The following TOX3 variants were observed in gnomAD, a reference collection of about 807,000 sequenced individuals.
The protein encoded by TOX3 is CAG trinucleotide repeat-containing gene F9 protein.
Under a neutral mutation model 64.3 loss-of-function variants are expected in TOX3, and 22 were observed. The observed-to-expected ratio is 0.34, with a 90% CI of 0.24 to 0.49. The LOEUF is 0.49. TOX3 is among the 20% of genes least tolerant of loss of function. TOX3 has a pLI of 0.99. For missense variants in TOX3, 661 were observed against 714.4 expected, an observed-to-expected ratio of 0.93 and a Z score of 0.85; for synonymous variants, 291 against 273.6, an observed-to-expected ratio of 1.06 and a Z score of -0.63.
chr16:52,499,199 A>T (rs1961937593), intron 1 of TOX3, among the ~76,000 whole-genome samples: 1 of 152,246 alleles, frequency 6.6e-6, no homozygotes, highest in Non-Finnish European at 1.5e-5. Flanking sequence ...GAAAAATTAG[A>T]AAGCCAGTAA....
rs1303184485 is a variant in TOX3, at chr16:52,437,337, C to A, written c.*1888G>T. On this transcript the variant is annotated 3_prime_UTR_variant, in exon 7 of 7. Coordinates refer to ENST00000219746, the MANE Select transcript of TOX3 (RefSeq NM_001080430.4). ...GTAAATAATCTCTGAAATACAACAA[C>A]TTTGAGGGATCCATATTCCATTATT... 1 of 152,166 alleles carries A rather than the reference C, an allele frequency of 6.6e-6. No homozygotes were observed. Among genetic ancestry groups the A allele is most frequent in the Non-Finnish European group, 1.5e-5 (1 of 68,046 alleles). The allele number at this position is 152,166 out of a possible 1,614,324, so 9.4% of individuals were successfully genotyped here.
rs574645699 is a variant in TOX3, at chr16:52,537,355, T to C, written c.87+9282A>G. Reference sequence around the variant, plus strand: ...ATCCATAGAATATCCAGGTGACCTATAGGTTTCTTGAAGGCAGACCACATC... The same window carrying C: ...ATCCATAGAATATCCAGGTGACCTACAGGTTTCTTGAAGGCAGACCACATC... On this transcript the variant is annotated intron_variant, in intron 1 of 6. Coordinates refer to ENST00000219746, the MANE Select transcript of TOX3 (RefSeq NM_001080430.4). Among the ~76,000 whole-genome samples the C allele has an allele frequency of 2.0e-5, 3 of 152,242 alleles. No homozygotes were observed. In the East Asian group the frequency reaches 5.8e-4, roughly 29 times the overall value.
In TOX3 at chr16:52,465,261, A is replaced by G. The variant is rs1960826003; in HGVS notation, c.154-1073T>C. On this transcript the variant is annotated intron_variant, in intron 2 of 6. Coordinates refer to ENST00000219746, the MANE Select transcript of TOX3 (RefSeq NM_001080430.4). The stretch of plus-strand genomic sequence containing the variant: ...GATCTCCTGACCTTGTGATCCACCC[A>G]CCTCGGCCTCCCAAAGTGCTGGGAT... 2.7e-5 allele frequency among the ~76,000 whole-genome samples: 4 copies of G among 150,924 alleles called. No individual in the cohort carries two copies. In the South Asian group the frequency reaches 8.3e-4, roughly 31 times the overall value.
At chr16:52,522,023 A>T (rs1490537128) in intron 1 of TOX3, among the ~76,000 whole-genome samples, 1 of 152,248 alleles carries the variant, frequency 6.6e-6, no homozygotes, top group Non-Finnish European at 1.5e-5. Flanking sequence ...TAACTGGGAC[A>T]TTAATAGTAC....
chr16:52,516,890 T>C (rs533812678), intron 1 of TOX3, among the ~76,000 whole-genome samples: 3 of 152,156 alleles, frequency 2.0e-5, no homozygotes, highest in Non-Finnish European at 4.4e-5. Context: ...TTGGCAGATT[T>C]TATTGTATGT....
intron 1 of TOX3, among the ~76,000 whole-genome samples, chr16:52,489,331 T>C (rs1961612796): frequency 6.6e-6 from 1 of 152,166 alleles, no homozygotes; most frequent in Non-Finnish European, 1.5e-5. Context: ...CATCTCCACA[T>C]TGTGATCTGT....
intron 1 of TOX3, among the ~76,000 whole-genome samples, chr16:52,530,823 G>A (rs984434226): frequency 3.3e-5 from 5 of 151,902 alleles, no homozygotes; most frequent in South Asian, 2.1e-4. Context: ...ACTTGACTAC[G>A]TTTTCCTTTA....
chr16:52,466,586 T>C (rs747988251), intron 2 of TOX3, among the ~76,000 whole-genome samples: 7 of 152,198 alleles, frequency 4.6e-5, no homozygotes, highest in Non-Finnish European at 7.4e-5. Context: ...AATCATTACA[T>C]AAGATTACTT....
chr16:52,455,805 G>A (rs551227075), intron 3 of TOX3, among the ~76,000 whole-genome samples: 4 of 152,326 alleles, frequency 2.6e-5, no homozygotes, highest in Admixed American at 2.0e-4. Context: ...GAAATGAAAA[G>A]GTGGACAGGA....
chr16:52,445,139 G>C (rs984085458), intron 5 of TOX3: 4 of 152,164 alleles, frequency 2.6e-5, no homozygotes, highest in African/African-American at 9.7e-5. Context: ...TAAACTCAGT[G>C]CAAACTAAAA....
chr16:52,486,607 C>T (rs1334444021), intron 1 of TOX3, among the ~76,000 whole-genome samples: 1 of 152,030 alleles, frequency 6.6e-6, no homozygotes, highest in Non-Finnish European at 1.5e-5. Flanking sequence ...AGTAAGAGGG[C>T]CTGCTATGGC....
At chr16:52,496,012 G>C (rs890423234) in intron 1 of TOX3, among the ~76,000 whole-genome samples, 1 of 152,100 alleles carries the variant, frequency 6.6e-6, no homozygotes. Context: ...CACAGAAAGA[G>C]TATCAAATTC....
chr16:52,502,903 C>G (rs939731036), intron 1 of TOX3, among the ~76,000 whole-genome samples: 1 of 152,106 alleles, frequency 6.6e-6, no homozygotes, highest in Non-Finnish European at 1.5e-5. Flanking sequence ...GATAGTCAAG[C>G]TTTTAAGCTC....
chr16:52,449,338 C>G lies in TOX3; in HGVS notation c.678+939G>C, dbSNP rs552426588. On this transcript the variant is annotated intron_variant, in intron 4 of 6. Coordinates refer to ENST00000219746, the MANE Select transcript of TOX3 (RefSeq NM_001080430.4). The stretch of plus-strand genomic sequence containing the variant: ...CGAACTTCACTATACCCATAAATAG[C>G]ATGTACTTCCACTGTTCCTCACTAG... Among the ~76,000 whole-genome samples, 34 of 152,286 alleles carry G rather than the reference C, an allele frequency of 2.2e-4. No individual in the cohort carries two copies. The South Asian group carries it at 6.8e-3, about 31-fold the overall frequency.
intron 6 of TOX3, among the ~76,000 whole-genome samples, chr16:52,441,044 G>A (rs1050443621): frequency 1.3e-5 from 2 of 152,072 alleles, no homozygotes; most frequent in Non-Finnish European, 2.9e-5. Flanking sequence ...TTACAGGCGT[G>A]AGCCACTACC....
At chr16:52,469,346 T>C (rs1262829608) in intron 1 of TOX3, among the ~76,000 whole-genome samples, 1 of 152,218 alleles carries the variant, frequency 6.6e-6, no homozygotes, top group Non-Finnish European at 1.5e-5. Flanking sequence ...AACGTAAAAC[T>C]TGGATTTTGG....
At chr16:52,529,263 G>A (rs1962795090) in intron 1 of TOX3, among the ~76,000 whole-genome samples, 1 of 152,154 alleles carries the variant, frequency 6.6e-6, no homozygotes, top group South Asian at 2.1e-4. Context: ...AGCAAGTACT[G>A]TAAATAAAGA....
At chr16:52,480,437 T>A (rs1262991471) in intron 1 of TOX3, among the ~76,000 whole-genome samples, 1 of 152,144 alleles carries the variant, frequency 6.6e-6, no homozygotes, top group African/African-American at 2.4e-5. Context: ...AAACAAACTT[T>A]CAGGCCTCTA....
chr16:52,526,560 G>A (rs1962731556), intron 1 of TOX3, among the ~76,000 whole-genome samples: 1 of 152,074 alleles, frequency 6.6e-6, no homozygotes, highest in African/African-American at 2.4e-5. Flanking sequence ...GGGTGGTGGG[G>A]GAGGGCTGGT....
Sources: allele counts gnomAD v4.1 joint callset (sites outside exome capture counted in the v4.1 genomes callset), GRCh38; gene constraint gnomAD v4.1.1; transcripts MANE v1.5; gene names NCBI Gene and HGNC (gene_info 2026-07-23, HGNC 2026-07-21).